The following MNAT1 variants were observed in gnomAD, a reference collection of about 807,000 sequenced individuals.
The protein encoded by MNAT1 is CDK-activating kinase assembly factor MAT1.
In MNAT1, 43 loss-of-function variants were observed where a neutral mutation model predicts 42.0. The observed-to-expected ratio is 1.02, with a 90% confidence interval of 0.80 to 1.32. The LOEUF (loss-of-function observed/expected upper bound fraction) is 1.32, where lower values mean the gene tolerates loss of function less well. MNAT1 is among the 40% of genes most tolerant of loss of function. MNAT1 has a pLI of 0.00. For missense variants in MNAT1, 306 were observed against 350.4 expected, an observed-to-expected ratio of 0.87 and a Z score of 1.01; for synonymous variants, 118 against 120.0, an observed-to-expected ratio of 0.98 and a Z score of 0.11.
intron 7 of MNAT1, among the ~76,000 whole-genome samples, chr14:60,939,920 A>G (rs886845289): frequency 6.6e-6 from 1 of 152,138 alleles, no homozygotes; most frequent in Non-Finnish European, 1.5e-5. Context: ...GTGCTCCTGT[A>G]TTGGGTGCAT....
At chr14:60,883,683 A>T (rs538682929) in intron 7 of MNAT1, among the ~76,000 whole-genome samples, 2 of 152,202 alleles carry the variant, frequency 1.3e-5, no homozygotes, top group East Asian at 3.9e-4. Flanking sequence ...TGGCCATTTT[A>T]ACATTATTGA....
chr14:60,754,637 C>T (rs2030258797), intron 1 of MNAT1, among the ~76,000 whole-genome samples: 1 of 152,120 alleles, frequency 6.6e-6, no homozygotes, highest in Non-Finnish European at 1.5e-5. Flanking sequence ...GCGTGAGCCA[C>T]CGCGCCTGGC....
chr14:60,819,092 C>T (rs1249266349), intron 6 of MNAT1, among the ~76,000 whole-genome samples: 7 of 151,976 alleles, frequency 4.6e-5, no homozygotes, highest in Non-Finnish European at 8.8e-5. Flanking sequence ...ACTCTACTTA[C>T]ATTTTTAAGC....
intron 7 of MNAT1, among the ~76,000 whole-genome samples, chr14:60,908,930 G>T (rs917982139): frequency 4.6e-5 from 7 of 152,192 alleles, no homozygotes; most frequent in African/African-American, 2.4e-5. Context: ...CTGGTTTACA[G>T]TCCCACCAAC....
At chr14:60,838,407 C>T (rs192390014) in intron 6 of MNAT1, among the ~76,000 whole-genome samples, 90 of 152,318 alleles carry the variant, frequency 5.9e-4, no homozygotes, top group Admixed American at 1.6e-3. Flanking sequence ...GCTGGGATTA[C>T]AGGCATAAGC....
intron 7 of MNAT1, among the ~76,000 whole-genome samples, chr14:60,955,579 TG>T (rs2036473597): frequency 6.6e-6 from 1 of 152,190 alleles, no homozygotes; most frequent in South Asian, 2.1e-4. Flanking sequence ...GATAATTGCT[TG>T]AACCCAGGAG....
intron 7 of MNAT1, among the ~76,000 whole-genome samples, chr14:60,909,402 C>T (rs1484083905): frequency 1.3e-5 from 2 of 152,088 alleles, no homozygotes; most frequent in African/African-American, 2.4e-5. Flanking sequence ...CTTGCCCATG[C>T]CTATGTCCTG....
intron 7 of MNAT1, among the ~76,000 whole-genome samples, chr14:60,890,317 A>C (rs1443513409): frequency 6.6e-6 from 1 of 152,156 alleles, no homozygotes; most frequent in African/African-American, 2.4e-5. Context: ...ATGATGTAAA[A>C]TCTTCTTGGT....
At chr14:60,775,122 C>G (rs1168456674) in intron 1 of MNAT1, among the ~76,000 whole-genome samples, 4 of 152,076 alleles carry the variant, frequency 2.6e-5, no homozygotes, top group Non-Finnish European at 5.9e-5. Context: ...AGAGGAGAAG[C>G]AGCCAGAAAA....
At chr14:60,893,906 G>T (rs2034895902) in intron 7 of MNAT1, among the ~76,000 whole-genome samples, 1 of 152,158 alleles carries the variant, frequency 6.6e-6, no homozygotes, top group Non-Finnish European at 1.5e-5. Context: ...AGTCATAGGA[G>T]GACCTGTGTG....
At chr14:60,964,305 C>A (rs374421621) in intron 7 of MNAT1, among the ~76,000 whole-genome samples, 57 of 152,290 alleles carry the variant, frequency 3.7e-4, no homozygotes, top group Non-Finnish European at 6.6e-4. Context: ...CCCTCTTCTC[C>A]AAGGTCTGTT....
intron 6 of MNAT1, among the ~76,000 whole-genome samples, chr14:60,869,040 A>G (rs201010541): frequency 8.8e-6 from 1 of 113,054 alleles, no homozygotes; most frequent in Non-Finnish European, 1.8e-5. Context: ...ATATATATAT[A>G]TTTTTTTTTT....
At chr14:60,773,896 A>G (rs1456764775) in intron 1 of MNAT1, among the ~76,000 whole-genome samples, 1 of 152,224 alleles carries the variant, frequency 6.6e-6, no homozygotes, top group Non-Finnish European at 1.5e-5. Context: ...AAGAGGTAGA[A>G]GCAAAACTGG....
At chr14:60,902,618 A>C (rs1176205687) in intron 7 of MNAT1, among the ~76,000 whole-genome samples, 1 of 152,158 alleles carries the variant, frequency 6.6e-6, no homozygotes, top group African/African-American at 2.4e-5. Context: ...AATAAGATAC[A>C]TCCATCCCCC....
intron 7 of MNAT1, among the ~76,000 whole-genome samples, chr14:60,927,879 T>C (rs2035798360): frequency 6.6e-6 from 1 of 152,030 alleles, no homozygotes; most frequent in African/African-American, 2.4e-5. Flanking sequence ...CCATAACAGG[T>C]CAAGAGAGAG....
intron 1 of MNAT1, among the ~76,000 whole-genome samples, chr14:60,758,646 C>T (rs2140298217): frequency 6.6e-6 from 1 of 152,164 alleles, no homozygotes; most frequent in Admixed American, 6.5e-5. Flanking sequence ...TAGTCTTCCC[C>T]TTTTAACCAT....
chr14:60,824,552 A>G (rs2032996583), intron 6 of MNAT1, among the ~76,000 whole-genome samples: 1 of 152,174 alleles, frequency 6.6e-6, no homozygotes, highest in Non-Finnish European at 1.5e-5. Context: ...ATTAGGAGGC[A>G]ATAAAGTATA....
chr14:60,783,278 G>A (rs1245828776), intron 1 of MNAT1, among the ~76,000 whole-genome samples: 1 of 152,198 alleles, frequency 6.6e-6, no homozygotes, highest in Non-Finnish European at 1.5e-5. Flanking sequence ...GATCCCCAGA[G>A]ATTAGGTGAC....
chr14:60,772,730 T>C (rs1289437576), intron 1 of MNAT1, among the ~76,000 whole-genome samples: 1 of 152,112 alleles, frequency 6.6e-6, no homozygotes, highest in Non-Finnish European at 1.5e-5. Context: ...GTATATAATC[T>C]TATACGTCTA....
Sources: gnomAD v4.1 joint callset for allele counts (sites outside exome capture counted in the v4.1 genomes callset) on GRCh38, gnomAD v4.1.1 for gene constraint, MANE v1.5 for transcripts, NCBI Gene and HGNC (gene_info 2026-07-23, HGNC 2026-07-21) for gene names.